Variants in TRPC4AP observed in about 807,000 individuals in gnomAD.
TRPC4AP encodes short transient receptor potential channel 4-associated protein.
In TRPC4AP, 45 loss-of-function variants were observed where a neutral mutation model predicts 99.0. That is an observed-to-expected ratio of 0.45 (90% CI 0.36 to 0.58). TRPC4AP has a LOEUF of 0.58. Among genes scored for constraint, TRPC4AP ranks in the 20% least tolerant of loss-of-function variants. The probability of loss-of-function intolerance (pLI) is 0.00; values close to 1 mark genes in which losing one functional copy is unlikely to be tolerated. For missense variants in TRPC4AP, 879 were observed against 985.3 expected, an observed-to-expected ratio of 0.89 and a Z score of 1.44; for synonymous variants, 408 against 385.8, an observed-to-expected ratio of 1.06 and a Z score of -0.67.
chr20:35,059,959 T>C (rs1314099013), intron 3 of TRPC4AP, among the ~76,000 whole-genome samples: 11 of 151,138 alleles, frequency 7.3e-5, no homozygotes, highest in African/African-American at 2.7e-4. Context: ...AAACAGAACA[T>C]CTGAACAGCC....
At chr20:35,060,948 C>T (rs2083990022) in intron 3 of TRPC4AP, among the ~76,000 whole-genome samples, 1 of 152,128 alleles carries the variant, frequency 6.6e-6, no homozygotes, top group Admixed American at 6.5e-5. Flanking sequence ...GATGTCCACT[C>T]TCGCCACTTC....
intron 1 of TRPC4AP, among the ~76,000 whole-genome samples, chr20:35,086,541 G>GTGTGTATA (rs2084881510): frequency 5.1e-5 from 1 of 19,520 alleles, no homozygotes; most frequent in African/African-American, 1.8e-4. Flanking sequence ...GTGTGTGTGT[G>GTGTGTATA]TGTGTGTGTG....
At chr20:35,081,686 C>T (rs1569152256) in intron 1 of TRPC4AP, among the ~76,000 whole-genome samples, 2 of 151,756 alleles carry the variant, frequency 1.3e-5, no homozygotes, top group Non-Finnish European at 2.9e-5. Flanking sequence ...TCAGCAAGAG[C>T]AAAGAAAAAG....
chr20:35,011,430 C>T (rs1177670352), intron 11 of TRPC4AP, among the ~76,000 whole-genome samples: 2 of 152,106 alleles, frequency 1.3e-5, no homozygotes, highest in Non-Finnish European at 2.9e-5. Context: ...CCTTGGTGAT[C>T]GTGTAGCTGG....
chr20:35,021,096 A>G, intron 9 of TRPC4AP, 94 bp downstream of exon 9: 1 of 1,403,580 alleles, frequency 7.1e-7, no homozygotes, highest in Non-Finnish European at 9.7e-7. Context: ...AGCGAGAGCC[A>G]TTCTAACAGA....
In TRPC4AP at chr20:35,069,317, A is replaced by C. The variant is rs774403556; in HGVS notation, c.393T>G (p.Phe131Leu). The C allele has an allele frequency of 6.2e-7, 1 of 1,605,004 alleles. No individual in the cohort carries two copies. Among genetic ancestry groups the C allele is most frequent in the Non-Finnish European group, 8.5e-7 (1 of 1,172,062 alleles). ...TTACATCAACACCTCCAAACAAGTC[A>C]AAAATGTAAGTATTTGGATAAGTGG... ...QETTYPNTYI[F>L]DLFGGVDLLV... The change falls in exon 3 of 19, where the codon TTT (phenylalanine) becomes TTG (leucine). Residue 131 changes from phenylalanine (F) to leucine (L), a missense_variant. Coordinates refer to ENST00000252015, the MANE Select transcript of TRPC4AP (RefSeq NM_015638.3).
In TRPC4AP at chr20:35,090,081, G is replaced by A. The variant is rs1410699302; in HGVS notation, c.168+2533C>T. ...CTTGCCACTGCACTCCAGCCTGGGTGACAGAGCAAGATTCTGTCTCAAAAA... is the reference window on the plus strand; with the variant it reads ...CTTGCCACTGCACTCCAGCCTGGGTAACAGAGCAAGATTCTGTCTCAAAAA... On this transcript the variant is annotated intron_variant, in intron 1 of 18. Transcript: ENST00000252015. 3.5e-5 allele frequency among the ~76,000 whole-genome samples: 5 copies of A among 141,124 alleles called. No homozygotes were observed. In the East Asian group the frequency reaches 1.1e-3, roughly 30 times the overall value. 92.6% of individuals were successfully genotyped at this position (141,124 alleles called of 152,430 possible). A position where few individuals can be genotyped will look rare whatever the true frequency, so the allele number is the denominator to read the frequency against.
rs1479270980 is a variant in TRPC4AP, at chr20:35,024,854, A to AAAACAT, written c.1052-3499_1052-3498insATGTTT. Among the ~76,000 whole-genome samples the AAAACAT allele has an allele frequency of 5.2e-3, 465 of 89,456 alleles. 32 individuals carry two copies. Among genetic ancestry groups the AAAACAT allele is most frequent in the African/African-American group, 0.016 (418 of 25,556 alleles). The allele number at this position is 89,456 out of a possible 152,430, so 58.7% of individuals were successfully genotyped here. A position where few individuals can be genotyped will look rare whatever the true frequency, so the allele number is the denominator to read the frequency against. ...AAAAAAAAAAAAAAAAAAAAAAAAA[A>AAAACAT]ATTCTGTTTATTCATTAATCAGGTG... On this transcript the variant is annotated intron_variant, in intron 8 of 18. Transcript: ENST00000252015.
intron 3 of TRPC4AP, among the ~76,000 whole-genome samples, chr20:35,065,365 G>T (rs911826743): frequency 3.9e-5 from 6 of 152,122 alleles, no homozygotes; most frequent in Admixed American, 6.5e-5. Flanking sequence ...CTTGCTCTGG[G>T]TCTGCTTCAC....
chr20:35,049,952 CAA>C lies in TRPC4AP; in HGVS notation c.569_570del (p.Phe190CysfsTer11). The C allele has an allele frequency of 6.2e-7, 1 of 1,614,012 alleles. No homozygotes were observed. Reference protein sequence around the residue: ...VTKRLAEKNDFVIFLFTLMTS... With the variant: ...VTKRLAEKNDXVIFLFTLMTS... Reference sequence around the variant, plus strand: ...GTCATCAATGTAAACAGGAAGATCACAAAGTCATTCTTTTCTGCCAAACGCTT... The same window carrying C: ...GTCATCAATGTAAACAGGAAGATCACAGTCATTCTTTTCTGCCAAACGCTT... On this transcript the variant is annotated frameshift_variant, in exon 6 of 19. Coordinates refer to ENST00000252015, the MANE Select transcript of TRPC4AP (RefSeq NM_015638.3). LOFTEE classifies it high-confidence loss of function.
intron 1 of TRPC4AP, among the ~76,000 whole-genome samples, chr20:35,086,535 G>GCGTATATATATA (rs2084879734): frequency 1.1e-4 from 2 of 17,746 alleles, no homozygotes; most frequent in African/African-American, 3.3e-4. Context: ...ATGTGTGTGT[G>GCGTATATATATA]TGTGTGTGTG....
intron 10 of TRPC4AP, among the ~76,000 whole-genome samples, chr20:35,013,722 A>C (rs750618312): frequency 2.8e-4 from 43 of 152,282 alleles, no homozygotes; most frequent in Non-Finnish European, 5.1e-4. Context: ...CAGTGTGGAG[A>C]GGTGGAGACA....
chr20:35,005,868 G>C (rs1175040659), intron 15 of TRPC4AP, 65 bp from the exon 16 acceptor site: 5 of 1,467,320 alleles, frequency 3.4e-6, no homozygotes, highest in Admixed American at 3.4e-5. Flanking sequence ...TGGCCCGGGG[G>C]GATAGTCACT....
At chr20:35,078,725 T>C (rs1600656979) in intron 1 of TRPC4AP, among the ~76,000 whole-genome samples, 1 of 152,134 alleles carries the variant, frequency 6.6e-6, no homozygotes, top group African/African-American at 2.4e-5. Context: ...TCCAACAATA[T>C]GCTGTCTACA....
intron 3 of TRPC4AP, among the ~76,000 whole-genome samples, chr20:35,068,978 C>CACACACAAA (rs748790693): frequency 1.1e-5 from 1 of 95,212 alleles, no homozygotes; most frequent in African/African-American, 4.0e-5. Flanking sequence ...CACACACACA[C>CACACACAAA]AAAAAAAACA....
At chr20:35,076,697 G>T (rs2084489231) in intron 2 of TRPC4AP, among the ~76,000 whole-genome samples, 1 of 152,190 alleles carries the variant, frequency 6.6e-6, no homozygotes, top group South Asian at 2.1e-4. Context: ...TCCCAGTTAG[G>T]CTACTCAGGG....
rs1385653376 is a variant in TRPC4AP, at chr20:35,032,562, C to T, written c.1051+2561G>A. Among the ~76,000 whole-genome samples the T allele has an allele frequency of 2.7e-5, 4 of 150,644 alleles. No individual in the cohort carries two copies. The South Asian group carries it at 6.3e-4, about 24-fold the overall frequency. On this transcript the variant is annotated intron_variant, in intron 8 of 18. Coordinates refer to ENST00000252015, the MANE Select transcript of TRPC4AP (RefSeq NM_015638.3). ...TCTCGGCTCACTGCAACCTCTGCCT[C>T]CCAGGTTCTCGCCATTCTCCTGCCT...
Position 35,021,135 on chromosome 20 carries a change from G to A in TRPC4AP, c.1218+55C>T, listed in dbSNP as rs1195553596. ...CCCAGTGGAGCACCTGGCATACCATGAGCACCCGGGCAGCACCTGCTCCCC... is the reference window on the plus strand; with the variant it reads ...CCCAGTGGAGCACCTGGCATACCATAAGCACCCGGGCAGCACCTGCTCCCC... On this transcript the variant is annotated intron_variant, in intron 9 of 18. Transcript: ENST00000252015. 3.8e-6 allele frequency: 6 copies of A among 1,577,434 alleles called. No individual in the cohort carries two copies. In the East Asian group the frequency reaches 1.1e-4, roughly 30 times the overall value.
At chr20:35,066,021 C>T (rs1194688752) in intron 3 of TRPC4AP, among the ~76,000 whole-genome samples, 1 of 152,074 alleles carries the variant, frequency 6.6e-6, no homozygotes, top group East Asian at 1.9e-4. Context: ...AGATGTCACA[C>T]TCAATCTTTA....
Sources: gnomAD v4.1 joint callset for allele counts (sites outside exome capture counted in the v4.1 genomes callset) on GRCh38, gnomAD v4.1.1 for gene constraint, MANE v1.5 for transcripts, NCBI Gene and HGNC (gene_info 2026-07-23, HGNC 2026-07-21) for gene names.